Variants in CNTN4 observed in about 807,000 individuals in gnomAD.
CNTN4 encodes contactin-4.
In CNTN4, 77 loss-of-function variants were observed where a neutral mutation model predicts 122.5. That is an observed-to-expected ratio of 0.63 (90% CI 0.52 to 0.76). The LOEUF is 0.76. Ranked by LOEUF, CNTN4 falls within the 30% of genes least tolerant of loss-of-function variation. The pLI, the probability that CNTN4 is intolerant of heterozygous loss-of-function variation, is 0.00. For missense variants in CNTN4, 1,256 were observed against 1,259.1 expected (o/e 1.00, Z 0.04); for synonymous variants, 512 against 447.0 (o/e 1.15, Z -1.83).
chr3:2,521,345 C>CCCA (rs1559632223), intron 3 of CNTN4, among the ~76,000 whole-genome samples: 1 of 27,820 alleles, frequency 3.6e-5, no homozygotes, highest in Non-Finnish European at 6.3e-5. Flanking sequence ...TCTACCCATC[C>CCCA]CCCCCACCCC....
At chr3:2,598,228 G>A (rs1421762137) in intron 4 of CNTN4, among the ~76,000 whole-genome samples, 3 of 152,046 alleles carry the variant, frequency 2.0e-5, no homozygotes, top group African/African-American at 7.2e-5. Context: ...GAACAACCTC[G>A]TTAGTCCTAT....
At chr3:2,515,103 T>A (rs183428256) in intron 3 of CNTN4, among the ~76,000 whole-genome samples, 224 of 152,236 alleles carry the variant, frequency 1.5e-3, no homozygotes, top group African/African-American at 5.0e-3. Context: ...ATAACCTGTT[T>A]GCGGCTTTCT....
chr3:2,396,117 C>G (rs553486593), intron 3 of CNTN4, among the ~76,000 whole-genome samples: 5 of 151,906 alleles, frequency 3.3e-5, no homozygotes, highest in Admixed American at 3.3e-4. Context: ...CTTGACTTCC[C>G]GAGCTCAGGT....
chr3:2,249,141 TA>T (rs1423482185), intron 2 of CNTN4, among the ~76,000 whole-genome samples: 3 of 29,738 alleles, frequency 1.0e-4, no homozygotes, highest in South Asian at 4.3e-3. Context: ...TTAAAGAAAA[TA>T]AAATAAATTA....
At chr3:2,243,903 A>G (rs555384032) in intron 2 of CNTN4, among the ~76,000 whole-genome samples, 2 of 152,048 alleles carry the variant, frequency 1.3e-5, no homozygotes, top group Non-Finnish European at 2.9e-5. Flanking sequence ...AATATTGGAG[A>G]CAAAGCTGAA....
chr3:2,774,277 CAA>C (rs1348678053), intron 6 of CNTN4, among the ~76,000 whole-genome samples: 1 of 151,414 alleles, frequency 6.6e-6, no homozygotes, highest in Non-Finnish European at 1.5e-5. Context: ...AAAACAAAAA[CAA>C]AAAAAAGAAA....
At chr3:2,827,729 T>G (rs184304726) in intron 7 of CNTN4, among the ~76,000 whole-genome samples, 1 of 152,310 alleles carries the variant, frequency 6.6e-6, no homozygotes, top group Non-Finnish European at 1.5e-5. Context: ...CCTGTGTGAT[T>G]CTTTATATTT....
chr3:3,032,477 G>A (rs1393776444), intron 16 of CNTN4, among the ~76,000 whole-genome samples: 1 of 152,146 alleles, frequency 6.6e-6, no homozygotes, highest in African/African-American at 2.4e-5. Context: ...AGTTAATAAG[G>A]CCAATAAATT....
chr3:2,483,697 C>T (rs989597476), intron 3 of CNTN4, among the ~76,000 whole-genome samples: 1 of 152,102 alleles, frequency 6.6e-6, no homozygotes, highest in Non-Finnish European at 1.5e-5. Flanking sequence ...GTGGCATTTC[C>T]CCTGCTGGCA....
chr3:2,552,121 G>C (rs187517344), intron 3 of CNTN4, among the ~76,000 whole-genome samples: 1 of 152,150 alleles, frequency 6.6e-6, no homozygotes, highest in Non-Finnish European at 1.5e-5. Flanking sequence ...TAAGATAAGT[G>C]AGGCCAGAGT....
chr3:2,671,495 T>A (rs1369438102), intron 4 of CNTN4, among the ~76,000 whole-genome samples: 3 of 152,204 alleles, frequency 2.0e-5, no homozygotes, highest in African/African-American at 7.2e-5. Flanking sequence ...ATTCATGTAA[T>A]CTTTTTTCAA....
rs12636785 is a variant in CNTN4 at position 2,385,867 on chromosome 3, T to C, written c.-89+46634T>C. Among the ~76,000 whole-genome samples the C allele has an allele frequency of 0.16, 24,554 of 152,056 alleles. 2,117 individuals are homozygous for C. The highest frequency in any genetic ancestry group is 0.21 in the Middle Eastern group (62 of 290). On this transcript the variant is annotated intron_variant, in intron 3 of 24. Coordinates refer to ENST00000418658, the MANE Select transcript of CNTN4 (RefSeq NM_175607.3). The surrounding 1 kb of genome is among the most constrained non-coding windows in gnomAD (Gnocchi z 4.0). ...GGGTCAAGACTTCAACACATCTTTT[T>C]AGCGACACAATTCAACCCATAACAA...
intron 14 of CNTN4, among the ~76,000 whole-genome samples, chr3:3,022,069 T>C (rs1359394281): frequency 1.1e-5 from 1 of 91,292 alleles, no homozygotes; most frequent in Non-Finnish European, 2.3e-5. Context: ...CTACCAAGAA[T>C]TCAAAAAAAA....
intron 3 of CNTN4, among the ~76,000 whole-genome samples, chr3:2,534,145 A>C (rs1188946342): frequency 1.3e-5 from 2 of 152,014 alleles, no homozygotes; most frequent in Non-Finnish European, 2.9e-5. Flanking sequence ...TTTTGTTGCC[A>C]TTGCTTTTGG....
In CNTN4 at chr3:2,630,701, A is replaced by AGTGTGT. The variant is rs10689131; in HGVS notation, c.55+59168_55+59173dup. Among the ~76,000 whole-genome samples, 244 of 137,366 alleles carry AGTGTGT rather than the reference A, an allele frequency of 1.8e-3. 1 individual carries two copies. Among genetic ancestry groups the AGTGTGT allele is most frequent in the African/African-American group, 4.1e-3 (151 of 36,522 alleles). 90.1% of individuals were successfully genotyped at this position (137,366 alleles called of 152,430 possible). On this transcript the variant is annotated intron_variant, in intron 4 of 24. Transcript: ENST00000418658. ...TATATCCCTATCTGTTTATTAAGGG[A>AGTGTGT]GTGTGTGTGTGTGTGTGTGTGTGTG...
At chr3:2,163,299 C>T (rs556860239) in intron 2 of CNTN4, among the ~76,000 whole-genome samples, 109 of 152,256 alleles carry the variant, frequency 7.2e-4, no homozygotes, top group African/African-American at 2.6e-3. Context: ...TGGCAAGCCA[C>T]ATGTAGAAGA....
chr3:2,596,966 T>G (rs894944766), intron 4 of CNTN4, among the ~76,000 whole-genome samples: 1 of 152,184 alleles, frequency 6.6e-6, no homozygotes, highest in African/African-American at 2.4e-5. Flanking sequence ...GTCATTTTTT[T>G]TTTAAATTTG....
chr3:2,303,315 T>G (rs2042590639), intron 2 of CNTN4, among the ~76,000 whole-genome samples: 1 of 152,138 alleles, frequency 6.6e-6, no homozygotes, highest in African/African-American at 2.4e-5. Flanking sequence ...TTACAATCAA[T>G]TTTAGAATGT....
intron 12 of CNTN4, among the ~76,000 whole-genome samples, chr3:2,912,361 A>G (rs1417853515): frequency 6.6e-6 from 1 of 152,200 alleles, no homozygotes; most frequent in Non-Finnish European, 1.5e-5. Flanking sequence ...ATGAGGGAGA[A>G]GTGGAGACTT....
Sources: gnomAD v4.1 joint callset for allele counts (sites outside exome capture counted in the v4.1 genomes callset) on GRCh38, gnomAD v4.1.1 for gene constraint, Gnocchi (gnomAD v3.1) non-coding constraint, MANE v1.5 for transcripts, NCBI Gene and HGNC (gene_info 2026-07-23, HGNC 2026-07-21) for gene names.